The following FHIP1A variants were observed in gnomAD, a reference collection of about 807,000 sequenced individuals.
The protein encoded by FHIP1A is FHF complex subunit HOOK interacting protein 1A.
FHIP1A carries 61 observed loss-of-function variants against 88.6 expected under a neutral mutation model. That is an observed-to-expected ratio of 0.69 (90% CI 0.56 to 0.85). The LOEUF is 0.85. Among genes scored for constraint, FHIP1A ranks in the 40% least tolerant of loss-of-function variants. The pLI, the probability that FHIP1A is intolerant of heterozygous loss-of-function variation, is 0.00. For synonymous variants in FHIP1A, 478 were observed against 496.0 expected (o/e 0.96, Z 0.48); for missense variants, 1,154 against 1,273.5 (o/e 0.91, Z 1.43).
Position 151,529,280 on chromosome 4 carries a change from T to A in FHIP1A, c.-122-36858T>A, listed in dbSNP as rs564707036. ...CAAGGGCTGAGGAGAGCTAGTCACC[T>A]AAGAGGCTGGAATCAAAAGGCTGAG... On this transcript the variant is annotated intron_variant, in intron 3 of 13. Coordinates refer to ENST00000435205, the MANE Select transcript of FHIP1A (RefSeq NM_001109977.3). Among the ~76,000 whole-genome samples, 3 of 152,256 alleles carry A rather than the reference T, an allele frequency of 2.0e-5. No homozygotes were observed. The East Asian group carries it at 5.8e-4, about 29-fold the overall frequency.
intron 7 of FHIP1A, among the ~76,000 whole-genome samples, chr4:151,608,558 C>T (rs1735172570): frequency 6.6e-6 from 1 of 152,180 alleles, no homozygotes; most frequent in Non-Finnish European, 1.5e-5. Context: ...TGCACATGAG[C>T]CGGCACCCAG....
intron 3 of FHIP1A, among the ~76,000 whole-genome samples, chr4:151,523,135 G>A (rs1383813735): frequency 6.6e-6 from 1 of 152,162 alleles, no homozygotes; most frequent in African/African-American, 2.4e-5. Context: ...ACATGGATCT[G>A]GCACATGTGA....
At chr4:151,584,423 C>T (rs1023245964) in intron 5 of FHIP1A, among the ~76,000 whole-genome samples, 5 of 152,178 alleles carry the variant, frequency 3.3e-5, no homozygotes, top group African/African-American at 9.7e-5. Context: ...AATAGGTCTA[C>T]AGATAATTTT....
rs116382671 is a variant in FHIP1A at position 151,640,061 on chromosome 4, G to A, written c.1226+1305G>A. 3.0e-3 allele frequency among the ~76,000 whole-genome samples: 460 copies of A among 152,312 alleles called. 3 individuals are homozygous for A. Among genetic ancestry groups the A allele is most frequent in the African/African-American group, 0.011 (443 of 41,564 alleles). On this transcript the variant is annotated intron_variant, in intron 9 of 13. Transcript: ENST00000435205. ...CCAGGGGTGTCAAAGTGTGATGCTG[G>A]AAACTAGTTAGAAATGCAAATTCTT... is the stretch of plus-strand genomic sequence containing the variant.
intron 7 of FHIP1A, among the ~76,000 whole-genome samples, chr4:151,600,660 T>C (rs1172682364): frequency 6.6e-6 from 1 of 152,206 alleles, no homozygotes; most frequent in Non-Finnish European, 1.5e-5. Flanking sequence ...CTCTGCGATG[T>C]CTGGGGCCTC....
chr4:151,508,098 G>C (rs1730897745), intron 3 of FHIP1A, among the ~76,000 whole-genome samples: 1 of 152,216 alleles, frequency 6.6e-6, no homozygotes, highest in African/African-American at 2.4e-5. Context: ...TTTATAAAAG[G>C]TTTGGAAGAG....
At chr4:151,632,220 A>C (rs529359248) in intron 8 of FHIP1A, among the ~76,000 whole-genome samples, 2 of 152,096 alleles carry the variant, frequency 1.3e-5, no homozygotes, top group South Asian at 4.1e-4. Flanking sequence ...GACATTAATG[A>C]TAAAAGGGTC....
chr4:151,462,076 C>T (rs893611347), intron 2 of FHIP1A, among the ~76,000 whole-genome samples: 2 of 152,030 alleles, frequency 1.3e-5, no homozygotes, highest in African/African-American at 4.8e-5. Context: ...TTGGTAGGAC[C>T]CCTTGAGCTG....
At chr4:151,583,674 T>C (rs557777668) in intron 5 of FHIP1A, among the ~76,000 whole-genome samples, 1 of 152,252 alleles carries the variant, frequency 6.6e-6, no homozygotes, top group Non-Finnish European at 1.5e-5. Context: ...TTCAGGAGTA[T>C]GCAGAATTAA....
chr4:151,542,994 T>C (rs1427921187), intron 3 of FHIP1A, among the ~76,000 whole-genome samples: 2 of 152,240 alleles, frequency 1.3e-5, no homozygotes, highest in African/African-American at 2.4e-5. Flanking sequence ...ACTATTGTTA[T>C]TATGTTGCCT....
intron 2 of FHIP1A, among the ~76,000 whole-genome samples, chr4:151,473,208 T>C (rs945052872): frequency 1.3e-5 from 2 of 152,144 alleles, no homozygotes; most frequent in Non-Finnish European, 2.9e-5. Flanking sequence ...TCTAGAATCC[T>C]TAGAGAAAGG....
At chr4:151,499,102 G>GT (rs1730561423) in intron 3 of FHIP1A, among the ~76,000 whole-genome samples, 1 of 152,214 alleles carries the variant, frequency 6.6e-6, no homozygotes, top group Admixed American at 6.5e-5. Flanking sequence ...CTGAAAATGT[G>GT]TATCTATATT....
At chr4:151,465,324 C>A (rs1453800894) in intron 2 of FHIP1A, among the ~76,000 whole-genome samples, 1 of 151,980 alleles carries the variant, frequency 6.6e-6, no homozygotes, top group Non-Finnish European at 1.5e-5. Context: ...ACTAAACCAG[C>A]GAGATCGAAT....
Position 151,577,839 on chromosome 4 carries a change from A to C in FHIP1A, c.495A>C (p.Leu165=). 3 of 1,551,880 alleles carry C rather than the reference A, an allele frequency of 1.9e-6. No homozygotes were observed. The highest frequency in any genetic ancestry group is 1.2e-5 in the South Asian group (1 of 84,036). Residue 165 remains leucine (L), a synonymous_variant, in exon 5 of 14, where the codon CTA becomes CTC. Transcript: ENST00000435205. ...TPTVEEKLVV[L]LNQLCSILAK... The stretch of plus-strand genomic sequence containing the variant: ...CTGTGGAGGAGAAGCTGGTTGTCCT[A>C]CTCAATCAGCTCTGTTCCATTCTTG...
Position 151,577,912 on chromosome 4 carries a change from C to T in FHIP1A, c.568C>T (p.Gln190Ter). Reference sequence around the variant, plus strand: ...ACTCTTCTTCCACACTAGTGAAGACCAAGGCGCTGCCAACTTCCTCATCTT... The same window carrying T: ...ACTCTTCTTCCACACTAGTGAAGACTAAGGCGCTGCCAACTTCCTCATCTT... ...LELFFHTSED[Q>*]GAANFLIFSL... The change falls in exon 5 of 14, where the codon CAA becomes TAA. Residue 190 changes from glutamine to a stop codon, truncating the protein, a stop_gained. Coordinates refer to ENST00000435205, the MANE Select transcript of FHIP1A (RefSeq NM_001109977.3). LOFTEE classifies it high-confidence loss of function. 3.9e-6 allele frequency: 6 copies of T among 1,551,664 alleles called. No individual in the cohort carries two copies. Among genetic ancestry groups the T allele is most frequent in the Non-Finnish European group, 5.2e-6 (6 of 1,146,984 alleles).
At chr4:151,522,972 C>G (rs1731499366) in intron 3 of FHIP1A, among the ~76,000 whole-genome samples, 1 of 152,160 alleles carries the variant, frequency 6.6e-6, no homozygotes, top group Admixed American at 6.5e-5. Flanking sequence ...TGAGAGCTGA[C>G]TCTTGCTGCT....
At chr4:151,567,079 G>C (rs1235016556) in intron 4 of FHIP1A, among the ~76,000 whole-genome samples, 1 of 152,076 alleles carries the variant, frequency 6.6e-6, no homozygotes, top group East Asian at 1.9e-4. Context: ...AATTTTTTTT[G>C]ATTATTTACT....
intron 7 of FHIP1A, among the ~76,000 whole-genome samples, chr4:151,602,218 A>G (rs977683393): frequency 3.9e-5 from 6 of 152,172 alleles, no homozygotes; most frequent in Non-Finnish European, 8.8e-5. Context: ...AGGGTATGAA[A>G]ATCAAATATA....
chr4:151,487,836 C>G (rs1034461114), intron 3 of FHIP1A, among the ~76,000 whole-genome samples: 1 of 152,190 alleles, frequency 6.6e-6, no homozygotes, highest in Non-Finnish European at 1.5e-5. Flanking sequence ...GGAATTCAAG[C>G]CAGGCTGTCT....
Sources: allele counts gnomAD v4.1 joint callset (sites outside exome capture counted in the v4.1 genomes callset), GRCh38; gene constraint gnomAD v4.1.1; transcripts MANE v1.5; gene names NCBI Gene and HGNC (gene_info 2026-07-23, HGNC 2026-07-21).